Variants in UGT1A10 observed in about 807,000 individuals in gnomAD.
The protein encoded by UGT1A10 is UDP-glucuronosyltransferase 1A10.
Under a neutral mutation model 45.8 loss-of-function variants are expected in UGT1A10, and 49 were observed. That is an observed-to-expected ratio of 1.07 (90% confidence interval 0.85 to 1.36). The LOEUF is 1.36. Among genes scored for constraint, UGT1A10 ranks in the 40% most tolerant of loss-of-function variants. The pLI is 0.00. For missense variants in UGT1A10, 745 were observed against 668.6 expected, an observed-to-expected ratio of 1.11 and a Z score of -1.26; for synonymous variants, 284 against 249.7, an observed-to-expected ratio of 1.14 and a Z score of -1.29.
chr2:233,654,644 C>T (rs1414218646), intron 1 of UGT1A10, among the ~76,000 whole-genome samples: 1 of 152,186 alleles, frequency 6.6e-6, no homozygotes, highest in African/African-American at 2.4e-5. Flanking sequence ...GATTGCTTGG[C>T]GACATAGCAA....
intron 1 of UGT1A10, among the ~76,000 whole-genome samples, chr2:233,654,375 T>C (rs937272812): frequency 3.3e-5 from 5 of 152,174 alleles, no homozygotes; most frequent in Non-Finnish European, 7.4e-5. Context: ...CTTTCAGGAT[T>C]GTGATCCAAA....
chr2:233,768,228 A>G lies in UGT1A10; in HGVS notation c.1084A>G (p.Met362Val), dbSNP rs367784507. 6.8e-6 allele frequency: 11 copies of G among 1,614,094 alleles called. No individual in the cohort carries two copies. Among genetic ancestry groups the G allele is most frequent in the Non-Finnish European group, 9.3e-6 (11 of 1,180,048 alleles). Residue 362 changes from methionine (M) to valine (V), a missense_variant, in exon 4 of 5, where the codon ATG becomes GTG. Physicochemically the swap from Met to Val is conservative, Grantham distance 21. Coordinates refer to ENST00000344644, the MANE Select transcript of UGT1A10 (RefSeq NM_019075.4). ...CCTATTTTGCATCTCAGGTCACCCG[A>G]TGACCCGTGCCTTTATCACCCATGC... ...LPQNDLLGHP[M>V]TRAFITHAGS...
chr2:233,657,600 A>G (rs1174969460), intron 1 of UGT1A10, among the ~76,000 whole-genome samples: 1 of 152,198 alleles, frequency 6.6e-6, no homozygotes, highest in African/African-American at 2.4e-5. Flanking sequence ...ACTAAGCCCC[A>G]CCTCCAACAT....
chr2:233,763,335 T>C (rs1344403817), intron 1 of UGT1A10, among the ~76,000 whole-genome samples: 2 of 152,244 alleles, frequency 1.3e-5, no homozygotes, highest in Non-Finnish European at 2.9e-5. Context: ...TTTGTTTACA[T>C]TTCCCTAGCA....
At chr2:233,685,640 A>T (rs2074747798) in intron 1 of UGT1A10, among the ~76,000 whole-genome samples, 1 of 152,250 alleles carries the variant, frequency 6.6e-6, no homozygotes, top group Non-Finnish European at 1.5e-5. Context: ...GTTTTCGAAC[A>T]TATACCAAGG....
chr2:233,756,049 A>G (rs1408892544), intron 1 of UGT1A10: 1 of 152,200 alleles, frequency 6.6e-6, no homozygotes, highest in Admixed American at 6.5e-5. Flanking sequence ...GGAAAACTCC[A>G]CTGTACACTT....
chr2:233,767,810 T>C lies in UGT1A10; in HGVS notation c.988-39T>C, dbSNP rs547285080. ...GCAGATTTGTTTTCTAATCATATTA[T>C]GTTCTTTCTTTACGTTCTGCTCTTT... On this transcript the variant is annotated intron_variant, in intron 2 of 4. Transcript: ENST00000344644. 20 of 1,614,194 alleles carry C rather than the reference T, an allele frequency of 1.2e-5. No homozygotes were observed. The South Asian group carries it at 1.9e-4, about 15-fold the overall frequency.
chr2:233,729,491 T>C, intron 1 of UGT1A10: 1 of 1,614,228 alleles, frequency 6.2e-7, no homozygotes, highest in Non-Finnish European at 8.5e-7. Context: ...AATATGTCTT[T>C]GGTCTATCAT....
intron 1 of UGT1A10, among the ~76,000 whole-genome samples, chr2:233,718,336 A>G (rs1383630356): frequency 6.6e-6 from 1 of 152,212 alleles, no homozygotes; most frequent in East Asian, 1.9e-4. Context: ...GCAATGTTGT[A>G]TGTCTTTTGG....
chr2:233,643,310 G>A (rs1364500799), intron 1 of UGT1A10, among the ~76,000 whole-genome samples: 5 of 152,148 alleles, frequency 3.3e-5, no homozygotes, highest in African/African-American at 1.2e-4. Flanking sequence ...CAAAGACAGA[G>A]GAGCCTCACC....
intron 1 of UGT1A10, chr2:233,718,664 G>C: frequency 6.5e-7 from 1 of 1,540,864 alleles, no homozygotes; most frequent in Non-Finnish European, 8.7e-7. Flanking sequence ...GGCAGTTATA[G>C]ATTAATGGGT....
At chr2:233,738,160 TTCTC>T (rs1212480209) in intron 1 of UGT1A10, among the ~76,000 whole-genome samples, 1 of 152,184 alleles carries the variant, frequency 6.6e-6, no homozygotes, top group Non-Finnish European at 1.5e-5. Context: ...CTATTCCTCT[TTCTC>T]TCTTTCATGT....
chr2:233,698,542 G>A (rs1205861943), intron 1 of UGT1A10, among the ~76,000 whole-genome samples: 1 of 152,168 alleles, frequency 6.6e-6, no homozygotes, highest in Non-Finnish European at 1.5e-5. Flanking sequence ...CAGAACACGA[G>A]TGGCCAACAA....
At chr2:233,671,883 G>A in intron 1 of UGT1A10, 1 of 1,551,892 alleles carries the variant, frequency 6.4e-7, no homozygotes, top group Non-Finnish European at 8.7e-7. Flanking sequence ...CCCACCTACT[G>A]TATCATAGGA....
intron 1 of UGT1A10, among the ~76,000 whole-genome samples, chr2:233,703,307 C>T (rs560128555): frequency 1.4e-5 from 2 of 148,024 alleles, no homozygotes; most frequent in East Asian, 4.1e-4. Flanking sequence ...TCTTTCATTT[C>T]ATATTTTTAG....
intron 1 of UGT1A10, among the ~76,000 whole-genome samples, chr2:233,720,204 G>A (rs1434202090): frequency 6.6e-6 from 1 of 152,176 alleles, no homozygotes; most frequent in Non-Finnish European, 1.5e-5. Context: ...GGCTGTGAAG[G>A]TGGGATGGAT....
At chr2:233,700,009 G>A (rs1179705204) in intron 1 of UGT1A10, among the ~76,000 whole-genome samples, 2 of 152,160 alleles carry the variant, frequency 1.3e-5, no homozygotes, top group African/African-American at 2.4e-5. Context: ...AAAATGTCAC[G>A]AGTGCTGAAA....
intron 1 of UGT1A10, among the ~76,000 whole-genome samples, chr2:233,649,966 T>A (rs2073698591): frequency 6.6e-6 from 1 of 152,066 alleles, no homozygotes; most frequent in Admixed American, 6.6e-5. Flanking sequence ...ACTTCAAGGT[T>A]TTTTGTTTGT....
At chr2:233,677,122 A>G (rs184135663) in intron 1 of UGT1A10, among the ~76,000 whole-genome samples, 1 of 152,276 alleles carries the variant, frequency 6.6e-6, no homozygotes, top group Non-Finnish European at 1.5e-5. Context: ...TTTTATTTAT[A>G]GATCAACTGG....
Sources: allele counts gnomAD v4.1 joint callset (sites outside exome capture counted in the v4.1 genomes callset), GRCh38; gene constraint gnomAD v4.1.1; transcripts MANE v1.5; gene names NCBI Gene and HGNC (gene_info 2026-07-23, HGNC 2026-07-21).